The following MED9 variants were observed in gnomAD, a reference collection of about 807,000 sequenced individuals.
MED9 encodes mediator complex subunit 9, also known as mediator of RNA polymerase II transcription subunit 9.
MED9 carries 8 observed loss-of-function variants against 13.2 expected under a neutral mutation model. The observed-to-expected ratio is 0.61, with a 90% CI of 0.36 to 1.10. The LOEUF (loss-of-function observed/expected upper bound fraction) is 1.10, where lower values mean the gene tolerates loss of function less well. Among genes scored for constraint, MED9 ranks in the 50% least tolerant of loss-of-function variants. MED9 has a pLI of 0.02. For synonymous variants in MED9, 87 were observed against 82.8 expected (o/e 1.05, Z -0.28); for missense variants, 180 against 193.4 (o/e 0.93, Z 0.41).
Position 17,491,677 on chromosome 17 carries a change from T to C in MED9, c.*182T>C, listed in dbSNP as rs1389946268. The C allele has an allele frequency of 3.2e-6, 2 of 617,940 alleles. No homozygotes were observed. The highest frequency in any genetic ancestry group is 5.7e-6 in the Non-Finnish European group (2 of 353,594). The allele number at this position is 617,940 out of a possible 1,614,324, so 38.3% of individuals were successfully genotyped here. A position where few individuals can be genotyped will look rare whatever the true frequency, so the allele number is the denominator to read the frequency against. On this transcript the variant is annotated 3_prime_UTR_variant, in exon 2 of 2. Coordinates refer to ENST00000268711, the MANE Select transcript of MED9 (RefSeq NM_018019.3). ...TGCGGGAGCCAGCGCAGAGCTTGGC[T>C]GCGCCGGGGGTTCCTCGTGTAGATC... is the stretch of plus-strand genomic sequence containing the variant.
intron 1 of MED9, among the ~76,000 whole-genome samples, chr17:17,490,415 C>G (rs1445031913): frequency 6.6e-6 from 1 of 152,236 alleles, no homozygotes. Context: ...GCCCTCCAGT[C>G]TGGGCGACAG....
At position 17,491,812 on chromosome 17, in the gene MED9, T is replaced by G. The variant is rs1905237519; in HGVS notation, c.*317T>G. 1.3e-5 allele frequency: 5 copies of G among 381,212 alleles called. No homozygotes were observed. The highest frequency in any genetic ancestry group is 2.5e-5 in the Non-Finnish European group (5 of 200,394). 23.6% of individuals were successfully genotyped at this position (381,212 alleles called of 1,614,324 possible). A position where few individuals can be genotyped will look rare whatever the true frequency, so the allele number is the denominator to read the frequency against. ...TCCCCTGCCTCTGGGGAGGGGGCCA[T>G]CTGCTGCGCCCGGCCCCACTGACAG... On this transcript the variant is annotated 3_prime_UTR_variant, in exon 2 of 2. Transcript: ENST00000268711.
At chr17:17,491,203 G>C (rs1905220320) in intron 1 of MED9, 76 bp from the exon 2 acceptor site, 4 of 1,358,082 alleles carry the variant, frequency 2.9e-6, no homozygotes, top group Admixed American at 1.7e-5. Flanking sequence ...ATGACAGCCA[G>C]CTCTAGGGGG....
rs1905077482 is a variant in MED9, at chr17:17,483,946, AAAAG to A, written c.224+6684_224+6687del. ...GCGAGACTCCATCTCAAAAAAAAAA[AAAAG>A]AATGAGGAAAGGGAAAAGAAATCCC... is the stretch of plus-strand genomic sequence containing the variant. On this transcript the variant is annotated intron_variant, in intron 1 of 1. Coordinates refer to ENST00000268711, the MANE Select transcript of MED9 (RefSeq NM_018019.3). The surrounding 1 kb of genome is among the most constrained non-coding windows in gnomAD (Gnocchi z 4.2). Among the ~76,000 whole-genome samples the A allele has an allele frequency of 6.6e-6, 1 of 152,024 alleles. No homozygotes were observed. The highest frequency in any genetic ancestry group is 1.5e-5 in the Non-Finnish European group (1 of 67,988).
rs867876560 is a variant in MED9 at position 17,480,182 on chromosome 17, G to A, written c.224+2917G>A. On this transcript the variant is annotated intron_variant, in intron 1 of 1. Coordinates refer to ENST00000268711, the MANE Select transcript of MED9 (RefSeq NM_018019.3). Reference sequence around the variant, plus strand: ...CTGTGGGACACCAGGCACACTGCAGGGGTAGGTAGGGGGAGCCATACTGAA... The same window carrying A: ...CTGTGGGACACCAGGCACACTGCAGAGGTAGGTAGGGGGAGCCATACTGAA... Among the ~76,000 whole-genome samples, 6 of 152,218 alleles carry A rather than the reference G, an allele frequency of 3.9e-5. No individual in the cohort carries two copies. In the South Asian group the frequency reaches 8.3e-4, roughly 21 times the overall value.
chr17:17,487,729 G>T (rs576657031), intron 1 of MED9: 13 of 163,870 alleles, frequency 7.9e-5, no homozygotes, highest in Middle Eastern at 2.8e-3. Context: ...AGTACATAAG[G>T]GTATAAGTAC....
At chr17:17,477,471 A>T (rs1368939179) in intron 1 of MED9, 18 of 574,714 alleles carry the variant, frequency 3.1e-5, no homozygotes, top group Non-Finnish European at 5.4e-5. Flanking sequence ...GAGAGGTGCG[A>T]TATCCTTAAG....
At chr17:17,487,457 A>C (rs1011251634) in intron 1 of MED9, 6 of 165,506 alleles carry the variant, frequency 3.6e-5, no homozygotes, top group Non-Finnish European at 6.5e-5. Flanking sequence ...GCCCAGCGAG[A>C]CCACGAGCCC....
At chr17:17,477,653 T>C (rs1171218488) in intron 1 of MED9, 1 of 173,650 alleles carries the variant, frequency 5.8e-6, no homozygotes, top group Non-Finnish European at 1.2e-5. Context: ...AGCATCATCT[T>C]CCCTGTGCCA....
At chr17:17,485,969 A>G (rs1567637782) in intron 1 of MED9, 2 of 152,230 alleles carry the variant, frequency 1.3e-5, no homozygotes, top group Admixed American at 1.3e-4. Context: ...GCAGAGAAAC[A>G]CAGTTGATAG....
Position 17,483,841 on chromosome 17 carries a change from G to A in MED9, c.224+6576G>A, listed in dbSNP as rs1054474315. Among the ~76,000 whole-genome samples, 5 of 151,754 alleles carry A rather than the reference G, an allele frequency of 3.3e-5. No individual in the cohort carries two copies. The highest frequency in any genetic ancestry group is 7.4e-5 in the Non-Finnish European group (5 of 67,966). On this transcript the variant is annotated intron_variant, in intron 1 of 1. Transcript: ENST00000268711. The surrounding 1 kb of genome is among the most constrained non-coding windows in gnomAD (Gnocchi z 4.2). The stretch of plus-strand genomic sequence containing the variant: ...AATCCCAGCTACTAGGGAGGCTGAG[G>A]CAGGAGAATCGCTTGAACCCGGGAG...
intron 1 of MED9, among the ~76,000 whole-genome samples, chr17:17,477,906 C>T (rs138993609): frequency 1.3e-5 from 2 of 152,194 alleles, no homozygotes; most frequent in Non-Finnish European, 2.9e-5. Context: ...TTTTGGCCAG[C>T]CTTCAGGGTA....
At position 17,483,060 on chromosome 17, in the gene MED9, A is replaced by G. The variant is rs915339111; in HGVS notation, c.224+5795A>G. On this transcript the variant is annotated intron_variant, in intron 1 of 1. Transcript: ENST00000268711. The surrounding 1 kb of genome is among the most constrained non-coding windows in gnomAD (Gnocchi z 4.2). The stretch of plus-strand genomic sequence containing the variant: ...CCCTTCCTTTCCCGTGGAGTTTTCT[A>G]GCAGCCTGCCTGATGCTAGATCATG... Among the ~76,000 whole-genome samples the G allele has an allele frequency of 1.3e-5, 2 of 152,196 alleles. No homozygotes were observed. The highest frequency in any genetic ancestry group is 2.4e-5 in the African/African-American group (1 of 41,510).
chr17:17,489,304 A>G (rs555870130), intron 1 of MED9, among the ~76,000 whole-genome samples: 1 of 152,126 alleles, frequency 6.6e-6, no homozygotes, highest in Non-Finnish European at 1.5e-5. Context: ...AACCCTTGCT[A>G]TTTGGGGGTT....
intron 1 of MED9, among the ~76,000 whole-genome samples, chr17:17,482,884 A>G (rs1597850240): frequency 6.6e-6 from 1 of 152,326 alleles, no homozygotes; most frequent in East Asian, 1.9e-4. Flanking sequence ...TTTACCATGC[A>G]CTGAATTCCC....
intron 1 of MED9, among the ~76,000 whole-genome samples, chr17:17,479,914 G>T (rs961042980): frequency 6.6e-6 from 1 of 152,148 alleles, no homozygotes; most frequent in Non-Finnish European, 1.5e-5. Flanking sequence ...TGTTAACCAT[G>T]GCCTATCCCC....
intron 1 of MED9, 122 bp from the exon 2 acceptor site, chr17:17,491,157 C>T: frequency 1.1e-6 from 1 of 933,988 alleles, no homozygotes; most frequent in Non-Finnish European, 1.7e-6. Flanking sequence ...AGGGGATAGA[C>T]ACATAAAACG....
intron 1 of MED9, among the ~76,000 whole-genome samples, chr17:17,484,521 C>T (rs1277737596): frequency 3.9e-5 from 6 of 152,272 alleles, no homozygotes; most frequent in Middle Eastern, 3.2e-3. Flanking sequence ...AGCTGAGACC[C>T]GTTCCCGGGT....
intron 1 of MED9, chr17:17,477,492 GC>G (rs1904944981): frequency 1.9e-6 from 1 of 531,260 alleles, no homozygotes; most frequent in Admixed American, 3.7e-5. Flanking sequence ...AATGAAGCCA[GC>G]TTAGAGACTA....
Sources: gnomAD v4.1 joint callset for allele counts (sites outside exome capture counted in the v4.1 genomes callset) on GRCh38, gnomAD v4.1.1 for gene constraint, Gnocchi (gnomAD v3.1) non-coding constraint, MANE v1.5 for transcripts, NCBI Gene and HGNC (gene_info 2026-07-23, HGNC 2026-07-21) for gene names.